The following TBX3 variants were observed in gnomAD, a reference collection of about 807,000 sequenced individuals.
The protein encoded by TBX3 is T-box transcription factor TBX3.
TBX3 carries 11 observed loss-of-function variants against 47.8 expected under a neutral mutation model. That is an observed-to-expected ratio of 0.23 (90% CI 0.14 to 0.38). The LOEUF (loss-of-function observed/expected upper bound fraction) is 0.38. TBX3 is among the 10% of genes least tolerant of loss of function. The probability of loss-of-function intolerance (pLI) is 1.00; values close to 1 mark genes in which losing one functional copy is unlikely to be tolerated. For missense variants in TBX3, 927 were observed against 1,022.8 expected (o/e 0.91, Z 1.28); for synonymous variants, 500 against 449.3 (o/e 1.11, Z -1.43).
Position 114,683,353 on chromosome 12 carries a change from T to TG in TBX3, c.-154_-153insC. The TG allele has an allele frequency of 9.9e-7, 1 of 1,013,878 alleles. No homozygotes were observed. The highest frequency in any genetic ancestry group is 1.4e-6 in the Non-Finnish European group (1 of 705,042). 62.8% of individuals were successfully genotyped at this position (1,013,878 alleles called of 1,614,324 possible). ...AAGAAAAAAGAAAAGGAGGCAGAAA[T>TG]CACAACTAATGCACTTCAAAGGGAG... is the stretch of plus-strand genomic sequence containing the variant. On this transcript the variant is annotated 5_prime_UTR_variant, in exon 1 of 7. Transcript: ENST00000349155. This position sits in a 1 kb window ranked among gnomAD's most constrained non-coding sequence, Gnocchi z 7.7.
In TBX3 at chr12:114,672,282, G is replaced by T; in HGVS notation, c.1731C>A (p.Phe577Leu). 6.4e-7 allele frequency: 1 copy of T among 1,569,134 alleles called. No individual in the cohort carries two copies. Among genetic ancestry groups the T allele is most frequent in the South Asian group, 1.2e-5 (1 of 85,360 alleles). Residue 577 changes from phenylalanine to leucine, a missense_variant, in exon 7 of 7, where the codon TTC (phenylalanine) becomes TTA (leucine). Phe to Leu is a conservative substitution (Grantham distance 22). This residue lies in a region of TBX3 where 623 missense variants were observed against 569.0 expected (regional missense o/e 1.09). Coordinates refer to ENST00000349155, the MANE Select transcript of TBX3 (RefSeq NM_005996.4). ...TGTAGGGGTAAGGGAACAGGCTTCC[G>T]AAAGGGGACATGGCCAGGCCCTGGG... Reference protein sequence around the residue: ...LASQGLAMSPFGSLFPYPYTY... With the variant: ...LASQGLAMSPLGSLFPYPYTY...
rs1868713385 is a variant in TBX3, at chr12:114,676,371, G to C, written c.981C>G (p.Asn327Lys). The C allele has an allele frequency of 1.9e-6, 3 of 1,614,202 alleles. No individual in the cohort carries two copies. Among genetic ancestry groups the C allele is most frequent in the African/African-American group, 2.7e-5 (2 of 75,060 alleles). The part of the protein sequence containing the change: ...DESSSEQAAF[N>K]CFAQASSPAA... Reference sequence around the variant, plus strand: ...CTGGAGAAGAAGCCTGGGCGAAGCAGTTGAAAGCTGCTTGTTCACTGGAGG... The same window carrying C: ...CTGGAGAAGAAGCCTGGGCGAAGCACTTGAAAGCTGCTTGTTCACTGGAGG... The change falls in exon 5 of 7, where the codon AAC becomes AAG. Residue 327 changes from asparagine (N) to lysine (K), a missense_variant. By Grantham distance (94) the Asn-to-Lys change is moderately conservative. Coordinates refer to ENST00000349155, the MANE Select transcript of TBX3 (RefSeq NM_005996.4).
intron 3 of TBX3, among the ~76,000 whole-genome samples, chr12:114,678,020 T>TCACACACACACA (rs3068592): frequency 2.5e-3 from 362 of 144,246 alleles, no homozygotes; most frequent in Non-Finnish European, 4.6e-3. Flanking sequence ...CATACTCCCT[T>TCACACACACACA]CACACACACA....
rs774334787 is a variant in TBX3 at position 114,677,672 on chromosome 12, C to T, written c.805-16G>A. 2 of 1,610,962 alleles carry T rather than the reference C, an allele frequency of 1.2e-6. No homozygotes were observed. The highest frequency in any genetic ancestry group is 3.3e-5 in the Admixed American group (2 of 60,024). ...ACTGGGTTATCTATTGGAAGAGACA[C>T]AAGCAAGACAGAGACATTGTTCTCA... On this transcript the variant is annotated splice_polypyrimidine_tract_variant and intron_variant, in intron 3 of 6. Transcript: ENST00000349155.
chr12:114,672,035 T>C lies in TBX3; in HGVS notation c.1978A>G (p.Ser660Gly), dbSNP rs1868460886. 1.9e-6 allele frequency: 3 copies of C among 1,585,716 alleles called. No individual in the cohort carries two copies. The highest frequency in any genetic ancestry group is 2.6e-6 in the Non-Finnish European group (3 of 1,166,290). ...LDGKVAALAASPASVAVDSGS... is the reference protein window; with the variant it reads ...LDGKVAALAAGPASVAVDSGS... Reference sequence around the variant, plus strand: ...GAGTCCACTGCCACCGAGGCCGGGCTGGCGGCCAGGGCGGCGACTTTGCCG... The same window carrying C: ...GAGTCCACTGCCACCGAGGCCGGGCCGGCGGCCAGGGCGGCGACTTTGCCG... Residue 660 changes from serine to glycine, a missense_variant, in exon 7 of 7, where the codon AGC (serine) becomes GGC (glycine). This residue lies in a region of TBX3 where 623 missense variants were observed against 569.0 expected (regional missense o/e 1.09). Coordinates refer to ENST00000349155, the MANE Select transcript of TBX3 (RefSeq NM_005996.4).
In TBX3 at chr12:114,674,662, T is replaced by C; in HGVS notation, c.1213A>G (p.Ser405Gly). ...GGCGACGCTTTGTCCAGCCGCCCGCTGTCCCGGGGCCGCTCAGCAGCGAAA... is the reference window on the plus strand; with the variant it reads ...GGCGACGCTTTGTCCAGCCGCCCGCCGTCCCGGGGCCGCTCAGCAGCGAAA... The part of the protein sequence containing the change: ...HLFAAERPRD[S>G]GRLDKASPDS... The change falls in exon 6 of 7, where the codon AGC (serine) becomes GGC (glycine). Residue 405 changes from serine to glycine, a missense_variant. Around this residue, in one of 5 missense-constraint regions of TBX3, gnomAD observed 623 missense variants for 569.0 expected, o/e 1.09. Transcript: ENST00000349155. 1 of 1,607,808 alleles carries C rather than the reference T, an allele frequency of 6.2e-7. No homozygotes were observed. The highest frequency in any genetic ancestry group is 1.1e-5 in the South Asian group (1 of 90,718).
rs772738226 is a variant in TBX3 at position 114,671,624 on chromosome 12, C to A, written c.*217G>T. The A allele has an allele frequency of 1.4e-5, 9 of 629,582 alleles. No homozygotes were observed. The highest frequency in any genetic ancestry group is 2.0e-5 in the South Asian group (1 of 50,910). 39.0% of individuals were successfully genotyped at this position (629,582 alleles called of 1,614,324 possible). ...GCTCAATGCAACCGACGTTTCTGAGCCCCCAGAATCTGATCCAGATCCCGG... is the reference window on the plus strand; with the variant it reads ...GCTCAATGCAACCGACGTTTCTGAGACCCCAGAATCTGATCCAGATCCCGG... On this transcript the variant is annotated 3_prime_UTR_variant, in exon 7 of 7. Coordinates refer to ENST00000349155, the MANE Select transcript of TBX3 (RefSeq NM_005996.4).
rs1171297655 is a variant in TBX3, at chr12:114,674,432, G to A, written c.1443C>T (p.Leu481=). Residue 481 remains leucine (L), a synonymous_variant, in exon 6 of 7, where the codon CTC becomes CTT. Coordinates refer to ENST00000349155, the MANE Select transcript of TBX3 (RefSeq NM_005996.4). ...AHLAQGPLPG[L]GFAPGLAGQQ... ...GGCCCGCCAGGCCCGGGGCGAAGCC[G>A]AGGCCAGGCAGGGGGCCCTGGGCCA... is the stretch of plus-strand genomic sequence containing the variant. The A allele has an allele frequency of 1.9e-6, 3 of 1,548,848 alleles. No individual in the cohort carries two copies. Among genetic ancestry groups the A allele is most frequent in the East Asian group, 2.4e-5 (1 of 40,876 alleles).
chr12:114,680,909 G>C lies in TBX3; in HGVS notation c.627C>G (p.Leu209=), dbSNP rs1486776425. The change falls in exon 2 of 7, where the codon CTC becomes CTG. Residue 209 remains leucine (L), a synonymous_variant. Coordinates refer to ENST00000349155, the MANE Select transcript of TBX3 (RefSeq NM_005996.4). The part of the protein sequence containing the change: ...SKVVTFHKLK[L]TNNISDKHGF... ...CATGTTTGTCTGAAATGTTGTTGGT[G>C]AGTTTCAGTTTGTGGAAAGTGACGA... 11 of 1,614,012 alleles carry C rather than the reference G, an allele frequency of 6.8e-6. No individual in the cohort carries two copies. Among genetic ancestry groups the C allele is most frequent in the Non-Finnish European group, 9.3e-6 (11 of 1,180,048 alleles).
Position 114,683,165 on chromosome 12 carries a change from C to T in TBX3, c.36G>A (p.Gly12=), listed in dbSNP as rs1333295214. The change falls in exon 1 of 7, where the codon GGG becomes GGA. Residue 12 remains glycine (G), a synonymous_variant. Coordinates refer to ENST00000349155, the MANE Select transcript of TBX3 (RefSeq NM_005996.4). This position sits in a 1 kb window ranked among gnomAD's most constrained non-coding sequence, Gnocchi z 7.7. ...GGAACGGATGGTAGGCCATGCTTGT[C>T]CCAGGAATGACCGGATCTCTCATGG... The part of the protein sequence containing the change: ...SLSMRDPVIP[G]TSMAYHPFLP... 1 of 1,612,294 alleles carries T rather than the reference C, an allele frequency of 6.2e-7. No homozygotes were observed. Among genetic ancestry groups the T allele is most frequent in the Non-Finnish European group, 8.5e-7 (1 of 1,179,482 alleles).
Position 114,674,225 on chromosome 12 carries a change from C to G in TBX3, c.1650G>C (p.Leu550=), listed in dbSNP as rs1186946612. ...GCAGGGTGGCCGCGGACGCCCCGGA[C>G]AGTCCCTGCGCCGCAGCGGCAGAGG... The part of the protein sequence containing the change: ...AMASAAAAQG[L]SGASAATLPF... The change falls in exon 6 of 7, where the codon CTG becomes CTC. Residue 550 remains leucine, a synonymous_variant. Coordinates refer to ENST00000349155, the MANE Select transcript of TBX3 (RefSeq NM_005996.4). 6 of 1,577,624 alleles carry G rather than the reference C, an allele frequency of 3.8e-6. No individual in the cohort carries two copies. The African/African-American group carries it at 5.3e-5, about 14-fold the overall frequency.
At chr12:114,673,625 A>T (rs759403333) in intron 6 of TBX3, among the ~76,000 whole-genome samples, 6 of 152,178 alleles carry the variant, frequency 3.9e-5, no homozygotes, top group Non-Finnish European at 7.3e-5. Context: ...CTAGAGTCCC[A>T]TTCCTGGGGA....
At position 114,678,663 on chromosome 12, in the gene TBX3, C is replaced by T. The variant is rs144858782; in HGVS notation, c.804+842G>A. On this transcript the variant is annotated intron_variant, in intron 3 of 6. Transcript: ENST00000349155. ...TGTGTTGTCAGGTAAAATGGACTCT[C>T]TTTGAAGTCCAGGATTGCAGAGCAG... Among the ~76,000 whole-genome samples the T allele has an allele frequency of 1.6e-3, 249 of 152,340 alleles. 1 individual carries two copies. Among genetic ancestry groups the T allele is most frequent in the African/African-American group, 5.7e-3 (236 of 41,584 alleles).
Position 114,674,542 on chromosome 12 carries a change from C to A in TBX3, c.1333G>T (p.Ala445Ser), listed in dbSNP as rs1291364957. ...AGCGCGCGCGCCTCTTCCACCTTGG[C>A]CGGCGCTGTGCCCTCGCGAACCGGG... ...RSPVREGTAPAKVEEARALPG... is the reference protein window; with the variant it reads ...RSPVREGTAPSKVEEARALPG... Residue 445 changes from alanine (A) to serine (S), a missense_variant, in exon 6 of 7, where the codon GCC becomes TCC. By Grantham distance (99) the Ala-to-Ser change is moderately conservative. Around this residue, in one of 5 missense-constraint regions of TBX3, gnomAD observed 623 missense variants for 569.0 expected, o/e 1.09. Transcript: ENST00000349155. 1 of 1,542,956 alleles carries A rather than the reference C, an allele frequency of 6.5e-7. No individual in the cohort carries two copies. The highest frequency in any genetic ancestry group is 2.4e-5 in the East Asian group (1 of 41,932).
In TBX3 at chr12:114,670,960, ATTTT is replaced by A; in HGVS notation, c.*877_*880del. The stretch of plus-strand genomic sequence containing the variant: ...TGTCTAATAGTCTCACTTCTTTATT[ATTTT>A]TTTAAAACCTTGTTATTGCATATAC... On this transcript the variant is annotated 3_prime_UTR_variant, in exon 7 of 7. Coordinates refer to ENST00000349155, the MANE Select transcript of TBX3 (RefSeq NM_005996.4). 4.7e-6 allele frequency: 1 copy of A among 210,738 alleles called. No homozygotes were observed. Among genetic ancestry groups the A allele is most frequent in the Middle Eastern group, 1.5e-3 (1 of 662 alleles). The allele number at this position is 210,738 out of a possible 1,614,324, so 13.1% of individuals were successfully genotyped here. A position where few individuals can be genotyped will look rare whatever the true frequency, so the allele number is the denominator to read the frequency against.
rs1160762375 is a variant in TBX3 at position 114,674,281 on chromosome 12, C to G, written c.1594G>C (p.Gly532Arg). 2 of 1,580,882 alleles carry G rather than the reference C, an allele frequency of 1.3e-6. No homozygotes were observed. The highest frequency in any genetic ancestry group is 1.8e-5 in the Admixed American group (1 of 55,064). ...LLATVSGAST[G>R]VSGLDSTAMA... ...GCCGTGGAATCCAGGCCCGAGACAC[C>G]GGTGGAGGCCCCAGAAACCGTGGCC... Residue 532 changes from glycine (G) to arginine (R), a missense_variant, in exon 6 of 7, where the codon GGT becomes CGT. Physicochemically the swap from Gly to Arg is moderately radical, Grantham distance 125. Around this residue, in one of 5 missense-constraint regions of TBX3, gnomAD observed 623 missense variants for 569.0 expected, o/e 1.09. Coordinates refer to ENST00000349155, the MANE Select transcript of TBX3 (RefSeq NM_005996.4).
Position 114,671,576 on chromosome 12 carries a change from T to C in TBX3, c.*265A>G. The C allele has an allele frequency of 1.8e-6, 1 of 562,180 alleles. No homozygotes were observed. 34.8% of individuals were successfully genotyped at this position (562,180 alleles called of 1,614,324 possible). A position where few individuals can be genotyped will look rare whatever the true frequency, so the allele number is the denominator to read the frequency against. The stretch of plus-strand genomic sequence containing the variant: ...TGCTGGAAGTTGCTCTGGACATAAA[T>C]GTTGGAACTCCTACCCCCAGTAGCT... On this transcript the variant is annotated 3_prime_UTR_variant, in exon 7 of 7. Transcript: ENST00000349155.
At position 114,672,195 on chromosome 12, in the gene TBX3, G is replaced by T. The variant is rs954634731; in HGVS notation, c.1818C>A (p.His606Gln). ...GCATGGTGTTCAGATTGAGGAAGGGGTGGCGGTGCACCGAGCTGGAGGCTG... is the reference window on the plus strand; with the variant it reads ...GCATGGTGTTCAGATTGAGGAAGGGTTGGCGGTGCACCGAGCTGGAGGCTG... ...SAAASSSVHR[H>Q]PFLNLNTMRP... The change falls in exon 7 of 7, where the codon CAC (histidine) becomes CAA (glutamine). Residue 606 changes from histidine (H) to glutamine (Q), a missense_variant. Physicochemically the swap from His to Gln is conservative, Grantham distance 24. This residue lies in a region of TBX3 where 623 missense variants were observed against 569.0 expected (regional missense o/e 1.09). Transcript: ENST00000349155. The T allele has an allele frequency of 3.9e-5, 61 of 1,572,172 alleles. No individual in the cohort carries two copies. Among genetic ancestry groups the T allele is most frequent in the Non-Finnish European group, 5.2e-5 (60 of 1,159,602 alleles).
Position 114,671,816 on chromosome 12 carries a change from A to G in TBX3, c.*25T>C. 1 of 1,550,168 alleles carries G rather than the reference A, an allele frequency of 6.5e-7. No homozygotes were observed. The highest frequency in any genetic ancestry group is 8.7e-7 in the Non-Finnish European group (1 of 1,147,288). On this transcript the variant is annotated 3_prime_UTR_variant, in exon 7 of 7. Transcript: ENST00000349155. ...GCACGGCAGCCTGAACTGGACTGGA[A>G]TGAAAAGACGTGTCTGGGACGGGTC...
Sources: allele counts gnomAD v4.1 joint callset (sites outside exome capture counted in the v4.1 genomes callset), GRCh38; gene constraint gnomAD v4.1.1; regional missense constraint gnomAD v4.1.1; non-coding constraint Gnocchi (gnomAD v3.1); transcripts MANE v1.5; gene names NCBI Gene and HGNC (gene_info 2026-07-23, HGNC 2026-07-21).